RTF1: variants seen among roughly 807,000 people sequenced by gnomAD.
RTF1 encodes the protein RNA polymerase-associated protein RTF1 homolog.
RTF1 carries 10 observed loss-of-function variants against 95.7 expected under a neutral mutation model. That is an observed-to-expected ratio of 0.10 (90% confidence interval 0.06 to 0.18). RTF1 has a LOEUF of 0.18. Ranked by LOEUF, RTF1 falls within the 10% of genes least tolerant of loss-of-function variation. The pLI is 1.00. For synonymous variants in RTF1, 305 were observed against 311.8 expected, an observed-to-expected ratio of 0.98 and a Z score of 0.23; for missense variants, 458 against 875.6, an observed-to-expected ratio of 0.52 and a Z score of 6.02.
In RTF1 at chr15:41,420,111, G is replaced by T. The variant is rs192425092; in HGVS notation, c.198+2798G>T. ...GCTGGGATTACAGGCATGAGCCACCGTGCTTGGCCGGAATTGCAATTTTAA... is the reference window on the plus strand; with the variant it reads ...GCTGGGATTACAGGCATGAGCCACCTTGCTTGGCCGGAATTGCAATTTTAA... On this transcript the variant is annotated intron_variant, in intron 1 of 17. Transcript: ENST00000389629. Among the ~76,000 whole-genome samples, 5 of 152,232 alleles carry T rather than the reference G, an allele frequency of 3.3e-5. No homozygotes were observed. In the East Asian group the frequency reaches 9.6e-4, roughly 29 times the overall value.
intron 2 of RTF1, among the ~76,000 whole-genome samples, chr15:41,443,799 G>A (rs2050747113): frequency 6.6e-6 from 1 of 152,090 alleles, no homozygotes; most frequent in Non-Finnish European, 1.5e-5. Flanking sequence ...CGGGTGCAGT[G>A]GCTCACGCCT....
chr15:41,480,474 G>A (rs2050966483), intron 17 of RTF1, 107 bp from the exon 18 acceptor site: 2 of 978,750 alleles, frequency 2.0e-6, no homozygotes, highest in East Asian at 2.4e-5. Context: ...TGTGGGTATG[G>A]TGAGAGGGAA....
At chr15:41,438,277 TTC>T in intron 1 of RTF1, 42 bp from the exon 2 acceptor site, 1 of 1,319,212 alleles carries the variant, frequency 7.6e-7, no homozygotes, top group Non-Finnish European at 1.1e-6. Context: ...TGGATATTCT[TTC>T]TCTGTTGAAC....
At position 41,419,186 on chromosome 15, in the gene RTF1, C is replaced by T. The variant is rs184372067; in HGVS notation, c.198+1873C>T. 4.6e-5 allele frequency among the ~76,000 whole-genome samples: 7 copies of T among 152,210 alleles called. No individual in the cohort carries two copies. In the East Asian group the frequency reaches 1.3e-3, roughly 29 times the overall value. On this transcript the variant is annotated intron_variant, in intron 1 of 17. Coordinates refer to ENST00000389629, the MANE Select transcript of RTF1 (RefSeq NM_015138.5). ...TGATTGGTAGATAATTTTAGACTGG[C>T]AATTAGAAGGAGTAGAATCTATTTT...
chr15:41,466,315 T>C, intron 6 of RTF1, 63 bp downstream of exon 6: 1 of 1,109,876 alleles, frequency 9.0e-7, no homozygotes, highest in African/African-American at 1.6e-5. Context: ...TGGTGTCCAT[T>C]TTCATTTTGC....
intron 5 of RTF1, 48 bp downstream of exon 5, chr15:41,464,933 AGTGTGTGTGTGTGTGTGT>A (rs67065750): frequency 3.1e-6 from 4 of 1,304,638 alleles, no homozygotes; most frequent in Non-Finnish European, 3.0e-6. Flanking sequence ...ACCTGTTTTG[AGTGTGTGTGTGTGTGTGT>A]GTGTGTGTGT....
At chr15:41,458,626 G>A (rs1186097154) in intron 4 of RTF1, among the ~76,000 whole-genome samples, 5 of 151,228 alleles carry the variant, frequency 3.3e-5, no homozygotes, top group East Asian at 1.9e-4. Flanking sequence ...TTGTGCACCC[G>A]TAGTCCCAGC....
chr15:41,460,605 G>C (rs1054010548), intron 4 of RTF1, among the ~76,000 whole-genome samples: 19 of 152,128 alleles, frequency 1.2e-4, no homozygotes, highest in Admixed American at 3.3e-4. Flanking sequence ...AGTAGCTCAA[G>C]GGTAATAGGT....
intron 1 of RTF1, among the ~76,000 whole-genome samples, chr15:41,429,964 T>G (rs1056322804): frequency 6.7e-6 from 1 of 149,240 alleles, no homozygotes; most frequent in African/African-American, 2.4e-5. Flanking sequence ...TTTTCCTTAT[T>G]TTTTCTTTGT....
At chr15:41,453,626 C>A (rs1382555657) in intron 3 of RTF1, among the ~76,000 whole-genome samples, 1 of 151,706 alleles carries the variant, frequency 6.6e-6, no homozygotes. Flanking sequence ...ACTTAGGAGG[C>A]TGAGGCGAGA....
chr15:41,479,004 G>A, intron 15 of RTF1, 99 bp from the exon 16 acceptor site: 1 of 766,732 alleles, frequency 1.3e-6, no homozygotes, highest in Non-Finnish European at 2.2e-6. Flanking sequence ...TGGGTCGGCT[G>A]TGGTGCTTGT....
At chr15:41,434,624 C>CTTTT (rs61546529) in intron 1 of RTF1, among the ~76,000 whole-genome samples, 4 of 141,494 alleles carry the variant, frequency 2.8e-5, no homozygotes, top group Non-Finnish European at 3.1e-5. Context: ...GTACTAATGT[C>CTTTT]TTTTTTTTTT....
intron 13 of RTF1, 81 bp from the exon 14 acceptor site, chr15:41,477,377 C>G: frequency 3.1e-6 from 5 of 1,612,894 alleles, no homozygotes; most frequent in Non-Finnish European, 4.2e-6. Context: ...GCACTGACCC[C>G]ATAGATATCT....
chr15:41,468,671 G>GA (rs2050894428), intron 6 of RTF1, among the ~76,000 whole-genome samples: 1 of 152,080 alleles, frequency 6.6e-6, no homozygotes, highest in Admixed American at 6.6e-5. Flanking sequence ...ATTTTGAACA[G>GA]GAAAGGCAAG....
In RTF1 at chr15:41,425,044, G is replaced by T. The variant is rs542747985; in HGVS notation, c.198+7731G>T. Among the ~76,000 whole-genome samples, 4 of 152,200 alleles carry T rather than the reference G, an allele frequency of 2.6e-5. No individual in the cohort carries two copies. The South Asian group carries it at 6.2e-4, about 24-fold the overall frequency. On this transcript the variant is annotated intron_variant, in intron 1 of 17. Transcript: ENST00000389629. ...AAAAGAAAAAAATTTAAAGCCACTG[G>T]AGGGCGTCAGCCTCCCCGGTGGCTG...
intron 16 of RTF1, 22 bp downstream of exon 16, chr15:41,479,220 T>A (rs754397365): frequency 6.5e-7 from 1 of 1,539,206 alleles, no homozygotes; most frequent in Non-Finnish European, 9.0e-7. Context: ...ACCACCCTGT[T>A]GCCTGCTGAG....
At chr15:41,445,764 C>G (rs2050757674) in intron 2 of RTF1, among the ~76,000 whole-genome samples, 1 of 142,500 alleles carries the variant, frequency 7.0e-6, no homozygotes, top group Non-Finnish European at 1.5e-5. Flanking sequence ...GAAACAGAGT[C>G]TTGCTCTATC....
In RTF1 at chr15:41,481,915, A is replaced by G. The variant is rs2050977675; in HGVS notation, c.*1228A>G. The G allele has an allele frequency of 6.6e-6, 1 of 152,202 alleles. No individual in the cohort carries two copies. Among genetic ancestry groups the G allele is most frequent in the Non-Finnish European group, 1.5e-5 (1 of 68,068 alleles). 9.4% of individuals were successfully genotyped at this position (152,202 alleles called of 1,614,324 possible). A position where few individuals can be genotyped will look rare whatever the true frequency, so the allele number is the denominator to read the frequency against. ...ACTAACACGGTGAAACCCCATCTCTACTAAAACTACAAAACTTAGCCGGGC... is the reference window on the plus strand; with the variant it reads ...ACTAACACGGTGAAACCCCATCTCTGCTAAAACTACAAAACTTAGCCGGGC... On this transcript the variant is annotated 3_prime_UTR_variant, in exon 18 of 18. Transcript: ENST00000389629.
At chr15:41,455,597 G>A (rs2050809627) in intron 3 of RTF1, among the ~76,000 whole-genome samples, 1 of 151,900 alleles carries the variant, frequency 6.6e-6, no homozygotes. Context: ...TTGAGGTCAG[G>A]AGTTTGAGAC....
Sources: allele counts gnomAD v4.1 joint callset (sites outside exome capture counted in the v4.1 genomes callset), GRCh38; gene constraint gnomAD v4.1.1; transcripts MANE v1.5; gene names NCBI Gene and HGNC (gene_info 2026-07-23, HGNC 2026-07-21).